Variants in NTRK2 observed in about 807,000 individuals in gnomAD.
NTRK2 encodes the protein BDNF/NT-3 growth factors receptor.
Under a neutral mutation model 94.5 loss-of-function variants are expected in NTRK2, and 13 were observed. The observed-to-expected ratio is 0.14, with a 90% CI of 0.09 to 0.22. The LOEUF is 0.22. Among genes scored for constraint, NTRK2 ranks in the 10% least tolerant of loss-of-function variants. The pLI is 1.00. For missense variants in NTRK2, 639 were observed against 1,071.2 expected (o/e 0.60, Z 5.63); for synonymous variants, 372 against 407.4 (o/e 0.91, Z 1.05).
At chr9:84,871,870 T>C in intron 14 of NTRK2, 8 of 1,613,362 alleles carry the variant, frequency 5.0e-6, no homozygotes, top group Non-Finnish European at 6.8e-6. Context: ...TAAAGGAGGC[T>C]AAATCCATGC....
At chr9:84,730,434 C>A (rs529655269) in intron 9 of NTRK2, among the ~76,000 whole-genome samples, 6 of 152,132 alleles carry the variant, frequency 3.9e-5, no homozygotes, top group East Asian at 1.9e-4. Flanking sequence ...TCTCTATTAA[C>A]CTCCTTTAAA....
At chr9:84,868,718 G>A (rs1341495093) in intron 14 of NTRK2, among the ~76,000 whole-genome samples, 3 of 152,128 alleles carry the variant, frequency 2.0e-5, no homozygotes, top group Non-Finnish European at 2.9e-5. Flanking sequence ...CTTCTTTGAT[G>A]GGGTGAGCCT....
At chr9:84,986,704 A>G (rs1192531590) in intron 17 of NTRK2, among the ~76,000 whole-genome samples, 1 of 152,196 alleles carries the variant, frequency 6.6e-6, no homozygotes, top group African/African-American at 2.4e-5. Context: ...TCCTTTAGAT[A>G]TAGTGAACCT....
chr9:84,670,512 T>G lies in NTRK2; in HGVS notation c.-237T>G. 1.8e-6 allele frequency: 1 copy of G among 558,100 alleles called. No homozygotes were observed. 34.6% of individuals were successfully genotyped at this position (558,100 alleles called of 1,614,324 possible). On this transcript the variant is annotated 5_prime_UTR_variant, in exon 2 of 19. The change abolishes the stop of an existing upstream ORF in the 5' untranslated region. Transcript: ENST00000277120. ...GCCGCCGCGGAGCTCCGAGCAGCGG[T>G]AGCGCCCCCCTGTAAAGCGGTTCGC...
chr9:84,916,742 T>A (rs987109834), intron 14 of NTRK2, among the ~76,000 whole-genome samples: 1 of 152,150 alleles, frequency 6.6e-6, no homozygotes. Flanking sequence ...AAAGACCAAG[T>A]GGCAGAGAAA....
chr9:84,706,084 C>T (rs939419229), intron 4 of NTRK2, among the ~76,000 whole-genome samples: 1 of 152,108 alleles, frequency 6.6e-6, no homozygotes, highest in Admixed American at 6.5e-5. Context: ...GCCACTGCAC[C>T]CGGCCAAAAC....
intron 2 of NTRK2, among the ~76,000 whole-genome samples, chr9:84,690,789 C>G (rs979036541): frequency 6.6e-5 from 10 of 152,008 alleles, no homozygotes; most frequent in African/African-American, 2.4e-4. Context: ...TTTTAATGAG[C>G]ATTCATTCTG....
At chr9:84,925,669 C>G (rs2077737987) in intron 14 of NTRK2, among the ~76,000 whole-genome samples, 1 of 152,160 alleles carries the variant, frequency 6.6e-6, no homozygotes, top group South Asian at 2.1e-4. Flanking sequence ...GGACTTTTGA[C>G]AGGCAAAAGG....
intron 14 of NTRK2, among the ~76,000 whole-genome samples, chr9:84,914,650 G>A (rs1355474517): frequency 6.6e-6 from 1 of 152,160 alleles, no homozygotes; most frequent in Non-Finnish European, 1.5e-5. Context: ...CTGGAGTATA[G>A]CGATTCTTGT....
At chr9:84,908,537 C>T (rs1175811347) in intron 14 of NTRK2, among the ~76,000 whole-genome samples, 1 of 152,150 alleles carries the variant, frequency 6.6e-6, no homozygotes, top group Non-Finnish European at 1.5e-5. Context: ...ATATTTCTCT[C>T]ATTTGCAGCA....
intron 14 of NTRK2, among the ~76,000 whole-genome samples, chr9:84,902,833 C>G (rs1405030028): frequency 6.6e-6 from 1 of 152,132 alleles, no homozygotes; most frequent in Non-Finnish European, 1.5e-5. Flanking sequence ...TGATTTTAGC[C>G]AAGTTACTCA....
chr9:84,797,139 A>T (rs545216196), intron 12 of NTRK2, among the ~76,000 whole-genome samples: 2 of 152,236 alleles, frequency 1.3e-5, no homozygotes, highest in Admixed American at 1.3e-4. Flanking sequence ...ACATGGGAAA[A>T]ATTAAAGAAA....
chr9:84,816,683 G>T (rs1264028518), intron 12 of NTRK2, among the ~76,000 whole-genome samples: 1 of 151,076 alleles, frequency 6.6e-6, no homozygotes, highest in African/African-American at 2.4e-5. Context: ...GGAGGCTGAG[G>T]CAGGAGAATC....
intron 2 of NTRK2, among the ~76,000 whole-genome samples, chr9:84,693,226 C>G (rs2060162445): frequency 6.6e-6 from 1 of 152,210 alleles, no homozygotes; most frequent in African/African-American, 2.4e-5. Flanking sequence ...TCATCAGTTG[C>G]TAAGATTTAC....
intron 12 of NTRK2, among the ~76,000 whole-genome samples, chr9:84,826,069 C>G (rs1412455490): frequency 1.3e-5 from 2 of 152,216 alleles, no homozygotes; most frequent in Non-Finnish European, 2.9e-5. Flanking sequence ...CCGCCATGGA[C>G]AGCAGAAGCA....
chr9:84,793,693 A>G (rs1457855258), intron 12 of NTRK2, among the ~76,000 whole-genome samples: 1 of 152,250 alleles, frequency 6.6e-6, no homozygotes, highest in Non-Finnish European at 1.5e-5. Flanking sequence ...TTAATGAGAA[A>G]GAATGAAGCA....
At chr9:84,888,896 T>C (rs1299353751) in intron 14 of NTRK2, among the ~76,000 whole-genome samples, 2 of 151,784 alleles carry the variant, frequency 1.3e-5, no homozygotes, top group African/African-American at 4.8e-5. Flanking sequence ...CAACCTGCTT[T>C]AGTTTAAGTC....
At chr9:84,695,468 A>C (rs2060320847) in intron 2 of NTRK2, among the ~76,000 whole-genome samples, 1 of 152,174 alleles carries the variant, frequency 6.6e-6, no homozygotes, top group Non-Finnish European at 1.5e-5. Context: ...ATTTTCTCTA[A>C]AATTACCTCT....
intron 12 of NTRK2, among the ~76,000 whole-genome samples, chr9:84,786,050 T>C (rs2068082376): frequency 6.6e-6 from 1 of 152,148 alleles, no homozygotes; most frequent in African/African-American, 2.4e-5. Context: ...AAGTCGCCCA[T>C]GCCTTTGTAT....
Sources: gnomAD v4.1 joint callset for allele counts (sites outside exome capture counted in the v4.1 genomes callset) on GRCh38, gnomAD v4.1.1 for gene constraint, MANE v1.5 for transcripts, NCBI Gene and HGNC (gene_info 2026-07-23, HGNC 2026-07-21) for gene names.